Variants in GRIK2 observed in about 807,000 individuals in gnomAD.
GRIK2 encodes the protein glutamate receptor ionotropic, kainate 2.
Under a neutral mutation model 100.3 loss-of-function variants are expected in GRIK2, and 32 were observed. The ratio of observed to expected loss-of-function variants is 0.32; its 90% confidence interval spans 0.24 to 0.43. The LOEUF (loss-of-function observed/expected upper bound fraction) is 0.43, where lower values mean the gene tolerates loss of function less well. GRIK2 is among the 20% of genes least tolerant of loss of function. The probability of loss-of-function intolerance (pLI) is 1.00; values close to 1 mark genes in which losing one functional copy is unlikely to be tolerated. For missense variants in GRIK2, 843 were observed against 1,114.9 expected, an observed-to-expected ratio of 0.76 and a Z score of 3.47; for synonymous variants, 417 against 389.4, an observed-to-expected ratio of 1.07 and a Z score of -0.83.
At chr6:101,716,821 AT>A in intron 7 of GRIK2, among the ~76,000 whole-genome samples, 1 of 151,808 alleles carries the variant, frequency 6.6e-6, no homozygotes, top group East Asian at 1.9e-4. Flanking sequence ...GCATATTCCC[AT>A]TTTATAGCTA....
chr6:101,475,487 C>G (rs1772180966), intron 2 of GRIK2, among the ~76,000 whole-genome samples: 1 of 151,894 alleles, frequency 6.6e-6, no homozygotes, highest in South Asian at 2.1e-4. Context: ...AAAGTTGGAT[C>G]AAATTTAAGA....
At chr6:101,907,973 T>G (rs1788359304) in intron 12 of GRIK2, among the ~76,000 whole-genome samples, 1 of 151,588 alleles carries the variant, frequency 6.6e-6, no homozygotes, top group African/African-American at 2.4e-5. Context: ...TTCCTCCTCC[T>G]TCTTCATTTT....
intron 14 of GRIK2, among the ~76,000 whole-genome samples, chr6:101,990,673 A>T (rs1794303240): frequency 6.6e-6 from 1 of 151,520 alleles, no homozygotes; most frequent in Non-Finnish European, 1.5e-5. Flanking sequence ...AGTGAAAGGG[A>T]GGATTTTGAG....
intron 14 of GRIK2, among the ~76,000 whole-genome samples, chr6:101,968,757 A>AG (rs199839950): frequency 7.8e-6 from 1 of 127,796 alleles, no homozygotes; most frequent in Non-Finnish European, 1.8e-5. Flanking sequence ...GTGTTCTCTG[A>AG]GGGGAAAAAA....
chr6:101,730,927 A>G (rs1176769053), intron 7 of GRIK2, among the ~76,000 whole-genome samples: 1 of 151,854 alleles, frequency 6.6e-6, no homozygotes, highest in African/African-American at 2.4e-5. Context: ...AAGTGTTAGT[A>G]AACTATGCTT....
intron 7 of GRIK2, among the ~76,000 whole-genome samples, chr6:101,758,844 GC>G (rs1777302650): frequency 1.3e-5 from 2 of 152,046 alleles, no homozygotes; most frequent in Middle Eastern, 3.2e-3. Flanking sequence ...ACATAGGAAA[GC>G]TTTTTGGAGA....
In GRIK2 at chr6:101,784,038, G is replaced by A. The variant is rs138684918; in HGVS notation, c.952-15610G>A. Among the ~76,000 whole-genome samples the A allele has an allele frequency of 1.4e-3, 206 of 152,336 alleles. 5 individuals carry two copies. In the East Asian group the frequency reaches 0.033, roughly 24 times the overall value. On this transcript the variant is annotated intron_variant, in intron 7 of 16. Transcript: ENST00000369134. ...ACCATGTGGTAGAAAAGAAAAACCC[G>A]TCTTCTGGGGAGGAATTCAAGCCAG...
At chr6:102,055,770 C>A (rs1195384557) in intron 16 of GRIK2, among the ~76,000 whole-genome samples, 190 bp downstream of exon 16, 2 of 151,918 alleles carry the variant, frequency 1.3e-5, no homozygotes, top group African/African-American at 4.8e-5. Context: ...TCATGGTCAC[C>A]TTTATGATTT....
intron 12 of GRIK2, among the ~76,000 whole-genome samples, chr6:101,909,714 AAG>A (rs1788532885): frequency 7.0e-6 from 1 of 143,334 alleles, no homozygotes. Flanking sequence ...GTATGTGTGT[AAG>A]TGTGTTTCTG....
intron 12 of GRIK2, among the ~76,000 whole-genome samples, chr6:101,894,672 T>C (rs187340800): frequency 6.6e-6 from 1 of 151,856 alleles, no homozygotes; most frequent in East Asian, 1.9e-4. Context: ...AATAATAAAA[T>C]ATATTTTTCA....
In GRIK2 at chr6:102,038,625, ACTTT is replaced by A. The variant is rs1260582603; in HGVS notation, c.2311+3060_2311+3063del. Among the ~76,000 whole-genome samples, 7 of 150,902 alleles carry A rather than the reference ACTTT, an allele frequency of 4.6e-5. No homozygotes were observed. The East Asian group carries it at 1.4e-3, about 30-fold the overall frequency. ...TGTTAATATATTTACTTACTTACTT[ACTTT>A]AAAAATTGTACTTAATTATAAACAA... is the stretch of plus-strand genomic sequence containing the variant. On this transcript the variant is annotated intron_variant, in intron 15 of 16. Transcript: ENST00000369134.
At position 101,928,446 on chromosome 6, in the gene GRIK2, C is replaced by A; in HGVS notation, c.1899C>A (p.Thr633=). The A allele has an allele frequency of 6.2e-7, 1 of 1,600,580 alleles. No individual in the cohort carries two copies. Residue 633 remains threonine, a synonymous_variant, in exon 14 of 17, where the codon ACC becomes ACA. Coordinates refer to ENST00000369134, the MANE Select transcript of GRIK2 (RefSeq NM_021956.5). ...AGCTCATGCCCAAAGCACTGTCCACCAGGATAGTGGGAGGCATTTGGTGGT... is the reference window on the plus strand; with the variant it reads ...AGCTCATGCCCAAAGCACTGTCCACAAGGATAGTGGGAGGCATTTGGTGGT... The part of the protein sequence containing the change: ...GSELMPKALS[T]RIVGGIWWFF...
intron 4 of GRIK2, among the ~76,000 whole-genome samples, chr6:101,646,647 T>A (rs946158027): frequency 6.6e-6 from 1 of 152,014 alleles, no homozygotes; most frequent in Non-Finnish European, 1.5e-5. Context: ...GTAAATATTC[T>A]TCCTCTACAT....
chr6:101,719,017 T>C (rs1774263490), intron 7 of GRIK2, among the ~76,000 whole-genome samples: 1 of 151,932 alleles, frequency 6.6e-6, no homozygotes, highest in Admixed American at 6.6e-5. Flanking sequence ...TTCCATCTTC[T>C]CTTTCTCAAA....
chr6:101,801,916 G>T (rs2128414461), intron 8 of GRIK2, among the ~76,000 whole-genome samples: 1 of 151,884 alleles, frequency 6.6e-6, no homozygotes, highest in South Asian at 2.1e-4. Context: ...ATTGTAATAA[G>T]TTCCTTTTCA....
intron 2 of GRIK2, among the ~76,000 whole-genome samples, chr6:101,461,094 A>G (rs1771284589): frequency 6.6e-6 from 1 of 152,230 alleles, no homozygotes; most frequent in African/African-American, 2.4e-5. Flanking sequence ...AGAAGAGTCA[A>G]CTAATTTCCT....
intron 14 of GRIK2, among the ~76,000 whole-genome samples, chr6:101,939,956 T>G (rs572985456): frequency 6.6e-6 from 1 of 152,202 alleles, no homozygotes; most frequent in African/African-American, 2.4e-5. Flanking sequence ...GGGAGGTGTT[T>G]CAGAAAGGAT....
intron 4 of GRIK2, among the ~76,000 whole-genome samples, chr6:101,663,407 A>G (rs908999771): frequency 6.6e-6 from 1 of 152,146 alleles, no homozygotes; most frequent in Non-Finnish European, 1.5e-5. Context: ...AGGAGACAAA[A>G]GTGCCTGTGA....
At chr6:101,905,660 CT>C (rs1211487257) in intron 12 of GRIK2, among the ~76,000 whole-genome samples, 2 of 151,306 alleles carry the variant, frequency 1.3e-5, no homozygotes, top group Non-Finnish European at 3.0e-5. Context: ...TTTTCACCAC[CT>C]AAAATTTATT....
Sources: gnomAD v4.1 joint callset for allele counts (sites outside exome capture counted in the v4.1 genomes callset) on GRCh38, gnomAD v4.1.1 for gene constraint, MANE v1.5 for transcripts, NCBI Gene and HGNC (gene_info 2026-07-23, HGNC 2026-07-21) for gene names.